BMP8A: variants seen among roughly 807,000 people sequenced by gnomAD.
BMP8A encodes BMP-8A.
In BMP8A, 14 loss-of-function variants were observed where a neutral mutation model predicts 36.8. The ratio of observed to expected loss-of-function variants is 0.38; its 90% CI spans 0.25 to 0.60. The LOEUF is 0.60. BMP8A is among the 20% of genes least tolerant of loss of function. The probability of loss-of-function intolerance (pLI) is 0.63; values close to 1 mark genes in which losing one functional copy is unlikely to be tolerated. For missense variants in BMP8A, 267 were observed against 551.1 expected (o/e 0.48, Z 5.16); for synonymous variants, 120 against 237.7 (o/e 0.50, Z 4.55).
intron 1 of BMP8A, among the ~76,000 whole-genome samples, chr1:39,509,682 G>A (rs1427112964): frequency 6.6e-6 from 1 of 152,210 alleles, no homozygotes; most frequent in East Asian, 1.9e-4. Flanking sequence ...AGGACAGGAA[G>A]TGCTCCCCAC....
At chr1:39,514,848 T>TG in intron 3 of BMP8A, 1 of 1,150,526 alleles carries the variant, frequency 8.7e-7, no homozygotes, top group Admixed American at 3.9e-5. Context: ...GGAGACCTGC[T>TG]GGGAGGGAGT....
chr1:39,508,481 A>C (rs1445164410), intron 1 of BMP8A, among the ~76,000 whole-genome samples: 1 of 152,192 alleles, frequency 6.6e-6, no homozygotes, highest in Non-Finnish European at 1.5e-5. Flanking sequence ...CCCACTTCGC[A>C]GATAAGGAGA....
chr1:39,509,618 C>T (rs540430621), intron 1 of BMP8A, among the ~76,000 whole-genome samples: 2 of 152,300 alleles, frequency 1.3e-5, no homozygotes, highest in South Asian at 4.1e-4. Context: ...TGGCCCCATC[C>T]CCCGCCCCGC....
intron 1 of BMP8A, among the ~76,000 whole-genome samples, chr1:39,504,452 G>A (rs12403769): frequency 0.065 from 9,538 of 147,274 alleles, no homozygotes; most frequent in Non-Finnish European, 0.085. Flanking sequence ...GCTGTGCCTC[G>A]ATGTGCATGT....
chr1:39,523,537 G>T, intron 6 of BMP8A: 2 of 1,382,926 alleles, frequency 1.4e-6, no homozygotes, highest in Non-Finnish European at 9.4e-7. Context: ...CACAGTGTGT[G>T]GGGTGTGCGT....
In BMP8A at chr1:39,492,246, T is replaced by A; in HGVS notation, c.255T>A (p.Ala85=). Residue 85 remains alanine, a synonymous_variant, in exon 1 of 7, where the codon GCT becomes GCA. Coordinates refer to ENST00000331593, the MANE Select transcript of BMP8A (RefSeq NM_181809.4). The part of the protein sequence containing the change: ...LFMLDLYHAM[A]GDDDEDGAPA... ...TGCTGGACCTGTACCACGCCATGGCTGGCGACGACGACGAGGACGGCGCGC... is the reference window on the plus strand; with the variant it reads ...TGCTGGACCTGTACCACGCCATGGCAGGCGACGACGACGAGGACGGCGCGC... The A allele has an allele frequency of 6.4e-7, 1 of 1,559,418 alleles. No homozygotes were observed. The highest frequency in any genetic ancestry group is 8.6e-7 in the Non-Finnish European group (1 of 1,163,930).
chr1:39,494,849 G>A (rs1301800243), intron 1 of BMP8A, among the ~76,000 whole-genome samples: 1 of 152,122 alleles, frequency 6.6e-6, no homozygotes, highest in South Asian at 2.1e-4. Flanking sequence ...ATGAAGACTC[G>A]GGGCCTCCAG....
rs1176655737 is a variant in BMP8A, at chr1:39,527,684, C to T, written c.*1886C>T. ...GCTGTCTGGAAGATGGTGAGTTCCCCACTAGTCTAAGGCTTCAAGCTCAGC... is the reference window on the plus strand; with the variant it reads ...GCTGTCTGGAAGATGGTGAGTTCCCTACTAGTCTAAGGCTTCAAGCTCAGC... On this transcript the variant is annotated 3_prime_UTR_variant, in exon 7 of 7. Transcript: ENST00000331593. 6.6e-6 allele frequency among the ~76,000 whole-genome samples: 1 copy of T among 152,184 alleles called. No individual in the cohort carries two copies. The highest frequency in any genetic ancestry group is 1.9e-4 in the East Asian group (1 of 5,200).
At chr1:39,523,644 G>T in intron 6 of BMP8A, 1 of 1,451,058 alleles carries the variant, frequency 6.9e-7, no homozygotes, top group South Asian at 1.4e-5. Context: ...TCTCTTGGCT[G>T]TCTGTGTTTT....
At chr1:39,509,407 A>G (rs1645331163) in intron 1 of BMP8A, among the ~76,000 whole-genome samples, 1 of 151,392 alleles carries the variant, frequency 6.6e-6, no homozygotes, top group Non-Finnish European at 1.5e-5. Flanking sequence ...TATTCATGGT[A>G]GGAGGTCCAG....
At chr1:39,493,071 T>G (rs553224095) in intron 1 of BMP8A, among the ~76,000 whole-genome samples, 1 of 152,342 alleles carries the variant, frequency 6.6e-6, no homozygotes, top group South Asian at 2.1e-4. Context: ...ATTTTTCTTT[T>G]CCAGTACTAA....
Position 39,526,113 on chromosome 1 carries a change from T to C in BMP8A, c.*315T>C, listed in dbSNP as rs1645480994. ...CTGTCAGACTGTGGCTGGCCCCGGATGGTCTGAGGTTGGCTGACCCGAGCT... is the reference window on the plus strand; with the variant it reads ...CTGTCAGACTGTGGCTGGCCCCGGACGGTCTGAGGTTGGCTGACCCGAGCT... On this transcript the variant is annotated 3_prime_UTR_variant, in exon 7 of 7. Transcript: ENST00000331593. 6.6e-6 allele frequency among the ~76,000 whole-genome samples: 1 copy of C among 152,146 alleles called. No homozygotes were observed. The highest frequency in any genetic ancestry group is 1.5e-5 in the Non-Finnish European group (1 of 68,022).
At chr1:39,506,750 CTTGT>C (rs1645305149) in intron 1 of BMP8A, among the ~76,000 whole-genome samples, 1 of 152,138 alleles carries the variant, frequency 6.6e-6, no homozygotes. Context: ...ATAGGCTAAT[CTTGT>C]TTGTTAACTT....
At chr1:39,511,021 G>A (rs1174399953) in intron 1 of BMP8A, among the ~76,000 whole-genome samples, 153 bp from the exon 2 acceptor site, 4 of 152,198 alleles carry the variant, frequency 2.6e-5, no homozygotes, top group Admixed American at 1.3e-4. Context: ...TGGAACAAAC[G>A]TTTGCACAAA....
In BMP8A at chr1:39,511,882, CCTCT is replaced by C; in HGVS notation, c.652_655del (p.Leu218MetfsTer47). On this transcript the variant is annotated frameshift_variant, in exon 3 of 7. Coordinates refer to ENST00000331593, the MANE Select transcript of BMP8A (RefSeq NM_181809.4). LOFTEE classifies it high-confidence loss of function. Reference sequence around the variant, plus strand: ...AGCGTCACAAGGACCTGGGACTCCGCCTCTATGTGGAGACTGAGGACGGTGAGGC... The same window carrying C: ...AGCGTCACAAGGACCTGGGACTCCGCATGTGGAGACTGAGGACGGTGAGGC... The C allele has an allele frequency of 8.2e-7, 1 of 1,215,612 alleles. No homozygotes were observed. Among genetic ancestry groups the C allele is most frequent in the Non-Finnish European group, 1.2e-6 (1 of 860,930 alleles). The allele number at this position is 1,215,612 out of a possible 1,614,324, so 75.3% of individuals were successfully genotyped here. A position where few individuals can be genotyped will look rare whatever the true frequency, so the allele number is the denominator to read the frequency against.
intron 1 of BMP8A, among the ~76,000 whole-genome samples, chr1:39,504,359 C>CTA (rs1645280265): frequency 6.6e-6 from 1 of 152,152 alleles, no homozygotes. Flanking sequence ...TGTGGCAGGA[C>CTA]TATAGGGTAA....
Position 39,528,023 on chromosome 1 carries a change from C to T in BMP8A, c.*2225C>T, listed in dbSNP as rs149163174. On this transcript the variant is annotated 3_prime_UTR_variant, in exon 7 of 7. Transcript: ENST00000331593. ...CTTCCAATACTGGGCAGTAGAGTTT[C>T]GGAAACTGACAAATGTGTGGTCTCT... Among the ~76,000 whole-genome samples, 527 of 152,280 alleles carry T rather than the reference C, an allele frequency of 3.5e-3. 4 individuals carry two copies. Among genetic ancestry groups the T allele is most frequent in the African/African-American group, 0.012 (508 of 41,538 alleles).
chr1:39,495,378 G>A (rs1384036713), intron 1 of BMP8A, among the ~76,000 whole-genome samples: 1 of 151,704 alleles, frequency 6.6e-6, no homozygotes, highest in Non-Finnish European at 1.5e-5. Context: ...TGGGAGGCCA[G>A]GGCTGGGGTC....
intron 5 of BMP8A, 44 bp from the exon 6 acceptor site, chr1:39,522,963 G>A: frequency 6.6e-7 from 1 of 1,523,574 alleles, no homozygotes; most frequent in Non-Finnish European, 8.9e-7. Flanking sequence ...TGAGGCTCAG[G>A]GAGGAGCACA....
Sources: gnomAD v4.1 joint callset for allele counts (sites outside exome capture counted in the v4.1 genomes callset) on GRCh38, gnomAD v4.1.1 for gene constraint, MANE v1.5 for transcripts, NCBI Gene and HGNC (gene_info 2026-07-23, HGNC 2026-07-21) for gene names.